The following SH3GL2 variants were observed in gnomAD, a reference collection of about 807,000 sequenced individuals.
SH3GL2 encodes the protein endophilin-A1.
SH3GL2 carries 24 observed loss-of-function variants against 46.0 expected under a neutral mutation model. The ratio of observed to expected loss-of-function variants is 0.52; its 90% CI spans 0.38 to 0.73. The LOEUF (loss-of-function observed/expected upper bound fraction) is 0.73. Among genes scored for constraint, SH3GL2 ranks in the 30% least tolerant of loss-of-function variants. The pLI is 0.00. For missense variants in SH3GL2, 413 were observed against 424.2 expected (o/e 0.97, Z 0.23); for synonymous variants, 196 against 147.1 (o/e 1.33, Z -2.40).
intron 1 of SH3GL2, among the ~76,000 whole-genome samples, chr9:17,712,178 T>C (rs1028244737): frequency 6.6e-6 from 1 of 151,980 alleles, no homozygotes; most frequent in South Asian, 2.1e-4. Context: ...ATTGTTTCTT[T>C]AGATTTGAGA....
intron 1 of SH3GL2, among the ~76,000 whole-genome samples, chr9:17,736,967 G>GA (rs770845019): frequency 1.3e-5 from 2 of 152,078 alleles, no homozygotes; most frequent in African/African-American, 2.4e-5. Flanking sequence ...GCCCATCAAT[G>GA]ATAGATTGGA....
At chr9:17,672,204 A>C (rs774489129) in intron 1 of SH3GL2, among the ~76,000 whole-genome samples, 1 of 152,178 alleles carries the variant, frequency 6.6e-6, no homozygotes, top group African/African-American at 2.4e-5. Flanking sequence ...GTGCATACAG[A>C]TATGTATGTA....
chr9:17,585,683 T>G lies in SH3GL2; in HGVS notation c.45+6396T>G, dbSNP rs150642736. Among the ~76,000 whole-genome samples the G allele has an allele frequency of 1.2e-3, 181 of 152,188 alleles. 1 individual carries two copies. Among genetic ancestry groups the G allele is most frequent in the African/African-American group, 4.1e-3 (171 of 41,566 alleles). On this transcript the variant is annotated intron_variant, in intron 1 of 8. Coordinates refer to ENST00000380607, the MANE Select transcript of SH3GL2 (RefSeq NM_003026.5). ...CCTTTACTAGTGATCTCAGTGCAGT[T>G]CACAGCTCAGTGCAGTTCACAGTGC...
At chr9:17,627,127 C>G (rs1036101902) in intron 1 of SH3GL2, among the ~76,000 whole-genome samples, 3 of 152,204 alleles carry the variant, frequency 2.0e-5, no homozygotes, top group African/African-American at 7.2e-5. Context: ...CCGGTAAAAA[C>G]TGCCAGATTC....
chr9:17,699,471 C>T (rs1821291805), intron 1 of SH3GL2, among the ~76,000 whole-genome samples: 1 of 152,160 alleles, frequency 6.6e-6, no homozygotes, highest in Non-Finnish European at 1.5e-5. Context: ...GCCCCCTAAC[C>T]CCAATCCCCA....
At chr9:17,657,925 A>G (rs1820127106) in intron 1 of SH3GL2, among the ~76,000 whole-genome samples, 1 of 152,182 alleles carries the variant, frequency 6.6e-6, no homozygotes, top group East Asian at 1.9e-4. Flanking sequence ...ATTTTGTGGT[A>G]CCCTGGACAT....
intron 1 of SH3GL2, among the ~76,000 whole-genome samples, chr9:17,743,280 G>C (rs572591141): frequency 4.7e-4 from 72 of 152,186 alleles, no homozygotes; most frequent in African/African-American, 1.7e-3. Context: ...TTGTGACTTG[G>C]AAAAATAGCC....
At chr9:17,602,762 T>A (rs1453195847) in intron 1 of SH3GL2, among the ~76,000 whole-genome samples, 1 of 145,168 alleles carries the variant, frequency 6.9e-6, no homozygotes, top group Non-Finnish European at 1.5e-5. Context: ...TGAAAACATT[T>A]CTTGTAGGTG....
intron 1 of SH3GL2, among the ~76,000 whole-genome samples, chr9:17,645,497 C>T (rs1038190815): frequency 1.3e-5 from 2 of 152,102 alleles, no homozygotes; most frequent in African/African-American, 4.8e-5. Flanking sequence ...TTTGTTTTTG[C>T]AGTGGCTGGT....
intron 3 of SH3GL2, among the ~76,000 whole-genome samples, chr9:17,770,045 A>C (rs978702998): frequency 6.6e-6 from 1 of 152,196 alleles, no homozygotes; most frequent in Non-Finnish European, 1.5e-5. Context: ...GCTCCATCTT[A>C]CGGGAGTAGC....
At chr9:17,737,151 A>G (rs146411695) in intron 1 of SH3GL2, among the ~76,000 whole-genome samples, 10,007 of 152,050 alleles carry the variant, frequency 0.066, 441 homozygotes, top group Admixed American at 0.12. Flanking sequence ...GAGTTGAACA[A>G]TGAGAACACA....
At chr9:17,768,242 G>A (rs922302009) in intron 3 of SH3GL2, among the ~76,000 whole-genome samples, 8 of 151,540 alleles carry the variant, frequency 5.3e-5, no homozygotes, top group Non-Finnish European at 1.2e-4. Context: ...TTGGTGGTGG[G>A]CACCTGTAAT....
intron 1 of SH3GL2, among the ~76,000 whole-genome samples, chr9:17,628,420 GTGTGTGTGTGT>G (rs1819338457): frequency 2.9e-5 from 1 of 34,702 alleles, no homozygotes; most frequent in African/African-American, 1.5e-4. Context: ...GGGTGTGTGT[GTGTGTGTGTGT>G]GTGTGTGTGT....
chr9:17,645,835 T>G (rs1194716265), intron 1 of SH3GL2, among the ~76,000 whole-genome samples: 1 of 152,162 alleles, frequency 6.6e-6, no homozygotes, highest in Admixed American at 6.5e-5. Context: ...TTGGTGAATC[T>G]GACGATTATG....
At chr9:17,778,254 C>T (rs1218752461) in intron 3 of SH3GL2, among the ~76,000 whole-genome samples, 2 of 152,110 alleles carry the variant, frequency 1.3e-5, no homozygotes, top group African/African-American at 2.4e-5. Flanking sequence ...TTATCTTCCA[C>T]GTTTACTCTA....
At chr9:17,720,648 C>A (rs566809191) in intron 1 of SH3GL2, among the ~76,000 whole-genome samples, 121 of 150,338 alleles carry the variant, frequency 8.0e-4, no homozygotes, top group Non-Finnish European at 1.3e-3. Context: ...TTAGGCTGAA[C>A]CTAAATTATA....
chr9:17,779,446 G>C (rs989754790), intron 3 of SH3GL2, among the ~76,000 whole-genome samples: 4 of 152,052 alleles, frequency 2.6e-5, no homozygotes, highest in Non-Finnish European at 2.9e-5. Context: ...GTAACTATGA[G>C]AGCTCGGATA....
At chr9:17,777,687 G>C (rs1823680989) in intron 3 of SH3GL2, among the ~76,000 whole-genome samples, 2 of 152,080 alleles carry the variant, frequency 1.3e-5, no homozygotes, top group African/African-American at 4.8e-5. Context: ...TGGTGCATGT[G>C]TGTGGAGGGA....
At chr9:17,759,473 A>G (rs1823106353) in intron 2 of SH3GL2, among the ~76,000 whole-genome samples, 1 of 152,106 alleles carries the variant, frequency 6.6e-6, no homozygotes, top group Non-Finnish European at 1.5e-5. Flanking sequence ...TTTTAGGAAG[A>G]GCTTTTGCTT....
Sources: gnomAD v4.1 joint callset for allele counts (sites outside exome capture counted in the v4.1 genomes callset) on GRCh38, gnomAD v4.1.1 for gene constraint, MANE v1.5 for transcripts, NCBI Gene and HGNC (gene_info 2026-07-23, HGNC 2026-07-21) for gene names.